The following MRLN variants were observed in gnomAD, a reference collection of about 807,000 sequenced individuals.
MRLN encodes the protein myoregulin.
At chr10:59,750,393 A>G (rs1424761478) in intron 1 of MRLN, among the ~76,000 whole-genome samples, 1 of 152,074 alleles carries the variant, frequency 6.6e-6, no homozygotes, top group East Asian at 1.9e-4. Context: ...TTTTAGGTCA[A>G]CATCTGTTCA....
intron 1 of MRLN, among the ~76,000 whole-genome samples, chr10:59,740,323 T>C (rs1445989124): frequency 2.0e-5 from 3 of 152,198 alleles, no homozygotes; most frequent in African/African-American, 7.2e-5. Flanking sequence ...GACTATACTA[T>C]ACTTTTTATT....
chr10:59,751,780 A>G (rs550288539), intron 1 of MRLN, among the ~76,000 whole-genome samples: 8 of 152,096 alleles, frequency 5.3e-5, no homozygotes, highest in African/African-American at 1.9e-4. Context: ...TGTCTTGCAC[A>G]TGGTAGGAAT....
At chr10:59,740,577 A>G (rs1478815665) in intron 1 of MRLN, among the ~76,000 whole-genome samples, 2 of 152,286 alleles carry the variant, frequency 1.3e-5, no homozygotes, top group South Asian at 2.1e-4. Context: ...TAAGAAAAAA[A>G]ATTAAAAATT....
intron 1 of MRLN, among the ~76,000 whole-genome samples, chr10:59,751,926 C>A (rs1418760116): frequency 6.6e-6 from 1 of 152,106 alleles, no homozygotes; most frequent in Non-Finnish European, 1.5e-5. Flanking sequence ...CACACAGAAT[C>A]TAATGTGGCA....
At position 59,736,953 on chromosome 10, in the gene MRLN, G is replaced by A. The variant is rs899155976; in HGVS notation, c.*107C>T. 2.7e-6 allele frequency: 1 copy of A among 377,242 alleles called. No individual in the cohort carries two copies. The highest frequency in any genetic ancestry group is 3.7e-5 in the East Asian group (1 of 27,022). The allele number at this position is 377,242 out of a possible 1,614,324, so 23.4% of individuals were successfully genotyped here. A position where few individuals can be genotyped will look rare whatever the true frequency, so the allele number is the denominator to read the frequency against. Reference sequence around the variant, plus strand: ...TATTGCAGTGTCCTGTTGGCTTCTAGAATAAATTGGCAATGTCATAAAATG... The same window carrying A: ...TATTGCAGTGTCCTGTTGGCTTCTAAAATAAATTGGCAATGTCATAAAATG... On this transcript the variant is annotated 3_prime_UTR_variant, in exon 3 of 3. Coordinates refer to ENST00000414264, the MANE Select transcript of MRLN (RefSeq NM_001304731.2).
At chr10:59,744,455 G>C (rs917901155) in intron 1 of MRLN, among the ~76,000 whole-genome samples, 2 of 151,242 alleles carry the variant, frequency 1.3e-5, no homozygotes, top group South Asian at 2.1e-4. Context: ...GCGGGGAGCA[G>C]CCGCGCCCGG....
intron 1 of MRLN, among the ~76,000 whole-genome samples, chr10:59,739,870 G>T (rs1315609833): frequency 6.6e-6 from 1 of 152,070 alleles, no homozygotes; most frequent in East Asian, 1.9e-4. Context: ...AAGGCGGGTG[G>T]ATCACAAGGT....
At chr10:59,742,903 T>C (rs1840999836) in intron 1 of MRLN, among the ~76,000 whole-genome samples, 1 of 151,976 alleles carries the variant, frequency 6.6e-6, no homozygotes, top group Non-Finnish European at 1.5e-5. Context: ...TAGTTTATTT[T>C]TATTTTTGTA....
intron 1 of MRLN, among the ~76,000 whole-genome samples, chr10:59,739,922 T>C (rs1840963975): frequency 6.6e-6 from 1 of 152,090 alleles, no homozygotes; most frequent in Non-Finnish European, 1.5e-5. Context: ...TGACACCCTG[T>C]CTATACTAAA....
chr10:59,749,111 T>C (rs1366956636), intron 1 of MRLN, among the ~76,000 whole-genome samples: 1 of 152,198 alleles, frequency 6.6e-6, no homozygotes, highest in African/African-American at 2.4e-5. Context: ...TGCCACCTCA[T>C]CTGGAGAACA....
At chr10:59,744,501 C>T (rs901514339) in intron 1 of MRLN, among the ~76,000 whole-genome samples, 19 of 149,468 alleles carry the variant, frequency 1.3e-4, no homozygotes, top group Admixed American at 6.6e-4. Context: ...GGGCAGCCCC[C>T]GCCCGGCTGC....
At chr10:59,746,385 G>A (rs1267775534) in intron 1 of MRLN, among the ~76,000 whole-genome samples, 1 of 152,200 alleles carries the variant, frequency 6.6e-6, no homozygotes, top group Non-Finnish European at 1.5e-5. Flanking sequence ...ACAACTGGGA[G>A]ATGAAGGACT....
chr10:59,741,654 G>C (rs765361919), intron 1 of MRLN, among the ~76,000 whole-genome samples: 2 of 152,144 alleles, frequency 1.3e-5, no homozygotes, highest in Non-Finnish European at 2.9e-5. Context: ...AAAATGCTAG[G>C]ATTACAGAGG....
chr10:59,737,648 CAAAAAAAAAAAAAA>C (rs60567923), intron 2 of MRLN, among the ~76,000 whole-genome samples: 2 of 50,296 alleles, frequency 4.0e-5, no homozygotes, highest in African/African-American at 1.2e-4. Context: ...AGGTACTGAT[CAAAAAAAAAAAAAA>C]AAAAAGGTAT....
chr10:59,741,831 G>A (rs545700199), intron 1 of MRLN, among the ~76,000 whole-genome samples: 25 of 152,134 alleles, frequency 1.6e-4, no homozygotes, highest in Middle Eastern at 3.4e-3. Context: ...GGTGTGCACC[G>A]CCTTGCCTGG....
chr10:59,743,338 CA>C (rs1404425945), intron 1 of MRLN, among the ~76,000 whole-genome samples: 3 of 151,718 alleles, frequency 2.0e-5, no homozygotes, highest in African/African-American at 7.3e-5. Flanking sequence ...TGATATATTT[CA>C]AAGTAATTTA....
Position 59,736,905 on chromosome 10 carries a change from T to C in MRLN, c.*155A>G, listed in dbSNP as rs1453739301. 2.9e-6 allele frequency: 1 copy of C among 341,936 alleles called. No homozygotes were observed. Among genetic ancestry groups the C allele is most frequent in the Non-Finnish European group, 5.3e-6 (1 of 189,180 alleles). The allele number at this position is 341,936 out of a possible 1,614,324, so 21.2% of individuals were successfully genotyped here. On this transcript the variant is annotated 3_prime_UTR_variant, in exon 3 of 3. Transcript: ENST00000414264. ...GAATGTTTCATAAACCATAAAGAACTAAACAATACACAATGTTGTTTGTAT... is the reference window on the plus strand; with the variant it reads ...GAATGTTTCATAAACCATAAAGAACCAAACAATACACAATGTTGTTTGTAT...
rs374015457 is a variant in MRLN, at chr10:59,739,906, A to G, written c.-124-1344T>C. On this transcript the variant is annotated intron_variant, in intron 1 of 2. Transcript: ENST00000414264. ...CGGGAGTTCAAGACCAGCCTGGCCAAGATGGTGACACCCTGTCTATACTAA... is the reference window on the plus strand; with the variant it reads ...CGGGAGTTCAAGACCAGCCTGGCCAGGATGGTGACACCCTGTCTATACTAA... 2.0e-5 allele frequency among the ~76,000 whole-genome samples: 3 copies of G among 152,240 alleles called. No homozygotes were observed. The East Asian group carries it at 5.8e-4, about 29-fold the overall frequency.
intron 1 of MRLN, among the ~76,000 whole-genome samples, chr10:59,749,901 C>CA (rs1387620983): frequency 6.6e-6 from 1 of 151,932 alleles, no homozygotes; most frequent in Non-Finnish European, 1.5e-5. Context: ...GGCAGACACA[C>CA]AGACACATGA....
Sources: gnomAD v4.1 joint callset for allele counts (sites outside exome capture counted in the v4.1 genomes callset) on GRCh38, gnomAD v4.1.1 for gene constraint, MANE v1.5 for transcripts, NCBI Gene and HGNC (gene_info 2026-07-23, HGNC 2026-07-21) for gene names.